CHD1L: variants seen among roughly 807,000 people sequenced by gnomAD.
CHD1L encodes ATP-dependent chromatin remodeler CHD1L.
CHD1L carries 118 observed loss-of-function variants against 115.9 expected under a neutral mutation model. That is an observed-to-expected ratio of 1.02 (90% CI 0.88 to 1.19). The LOEUF (loss-of-function observed/expected upper bound fraction) is 1.19, where lower values mean the gene tolerates loss of function less well. Among genes scored for constraint, CHD1L ranks in the 50% most tolerant of loss-of-function variants. CHD1L has a pLI of 0.00. For missense variants in CHD1L, 1,179 were observed against 1,065.3 expected, an observed-to-expected ratio of 1.11 and a Z score of -1.49; for synonymous variants, 411 against 387.1, an observed-to-expected ratio of 1.06 and a Z score of -0.72.
the CHD1L span, among the ~76,000 whole-genome samples, chr1:147,180,185 G>T: frequency 6.6e-6 from 1 of 152,118 alleles, no homozygotes; most frequent in Non-Finnish European, 1.5e-5. Flanking sequence ...AAGTACATGA[G>T]GAAGTCCAGT....
At chr1:147,204,552 C>G in the CHD1L span, 3 of 1,584,616 alleles carry the variant, frequency 1.9e-6, no homozygotes, top group Non-Finnish European at 2.6e-6. Context: ...CTTCTATGAC[C>G]TCTGAAACTG....
the CHD1L span, chr1:147,225,408 C>T: frequency 5.1e-6 from 1 of 194,494 alleles, no homozygotes; most frequent in Non-Finnish European, 1.1e-5. Context: ...CGGGGAGGGG[C>T]TGTAGCACTC....
intron 13 of CHD1L, 143 bp downstream of exon 13, chr1:147,275,611 T>A: frequency 4.7e-6 from 3 of 633,784 alleles, no homozygotes; most frequent in Non-Finnish European, 8.4e-6. Flanking sequence ...TATTGACTCC[T>A]AGGGTAGTAT....
chr1:147,208,028 C>G, the CHD1L span, among the ~76,000 whole-genome samples: 3 of 152,106 alleles, frequency 2.0e-5, no homozygotes, highest in Non-Finnish European at 2.9e-5. Flanking sequence ...TTGCATAGAC[C>G]TCCTCACTGT....
the CHD1L span, chr1:147,208,574 G>A: frequency 3.4e-6 from 1 of 294,268 alleles, no homozygotes; most frequent in East Asian, 8.3e-5. Context: ...TGAATAGCTG[G>A]GACTACAGAC....
the CHD1L span, chr1:147,179,362 A>G: frequency 1.2e-6 from 2 of 1,600,334 alleles, no homozygotes; most frequent in East Asian, 4.5e-5. Flanking sequence ...GCCCAAGTAT[A>G]AAGAACTTGG....
At chr1:147,287,772 AAG>A (rs782239593) in intron 19 of CHD1L, 39 bp downstream of exon 19, 4 of 1,540,852 alleles carry the variant, frequency 2.6e-6, no homozygotes, top group African/African-American at 2.7e-5. Flanking sequence ...AGGGTGGAAT[AAG>A]AGAGAAGAGG....
intron 17 of CHD1L, 113 bp downstream of exon 17, chr1:147,285,600 C>A: frequency 8.3e-7 from 1 of 1,199,188 alleles, no homozygotes. Flanking sequence ...TAAGTTGGTT[C>A]CTATTGGTAA....
chr1:147,242,769 T>A lies in CHD1L; in HGVS notation c.66T>A (p.Thr22=), dbSNP rs782715735. 5 of 1,269,306 alleles carry A rather than the reference T, an allele frequency of 3.9e-6. No individual in the cohort carries two copies. In the South Asian group the frequency reaches 1.5e-4, roughly 39 times the overall value. 78.6% of individuals were successfully genotyped at this position (1,269,306 alleles called of 1,614,324 possible). A position where few individuals can be genotyped will look rare whatever the true frequency, so the allele number is the denominator to read the frequency against. The change falls in exon 1 of 23, where the codon ACT becomes ACA. Residue 22 remains threonine, a synonymous_variant. Transcript: ENST00000369258. Reference sequence around the variant, plus strand: ...CTGGCTTCTTACTGCGGCTTCATACTGAGGGCCGAGCCGAGGCGGCGCGGG... The same window carrying A: ...CTGGCTTCTTACTGCGGCTTCATACAGAGGGCCGAGCCGAGGCGGCGCGGG... The part of the protein sequence containing the change: ...QAPGFLLRLH[T]EGRAEAARVQ...
chr1:147,215,723 CA>C, the CHD1L span: 1 of 1,513,932 alleles, frequency 6.6e-7, no homozygotes, highest in Non-Finnish European at 9.0e-7. Flanking sequence ...CAAACAACTT[CA>C]AACACAAAGA....
chr1:147,267,020 A>C (rs1674200834), intron 8 of CHD1L, among the ~76,000 whole-genome samples: 1 of 152,186 alleles, frequency 6.6e-6, no homozygotes, highest in Non-Finnish European at 1.5e-5. Context: ...GTAAGGGGGA[A>C]CTGCTGTATT....
intron 21 of CHD1L, among the ~76,000 whole-genome samples, chr1:147,294,024 GTTTA>G (rs1686628717): frequency 6.6e-6 from 1 of 152,190 alleles, no homozygotes; most frequent in South Asian, 2.1e-4. Context: ...GGTAAATGCT[GTTTA>G]TTTAATCTCC....
At chr1:147,209,575 G>C in the CHD1L span, 1 of 153,492 alleles carries the variant, frequency 6.5e-6, no homozygotes, top group Non-Finnish European at 1.4e-5. Flanking sequence ...TGTATCTACT[G>C]TCCAAGAATA....
At position 147,259,836 on chromosome 1, in the gene CHD1L, G is replaced by C. The variant is rs1173175652; in HGVS notation, c.495-1G>C. The stretch of plus-strand genomic sequence containing the variant: ...CTGAAAGCTTGGGTTTTCTCTCACA[G>C]ATTCCCTTGGAGTGTTCTTGTTGTG... On this transcript the variant is annotated splice_acceptor_variant, in intron 5 of 22. Coordinates refer to ENST00000369258, the MANE Select transcript of CHD1L (RefSeq NM_004284.6). LOFTEE classifies it high-confidence loss of function. The C allele has an allele frequency of 1.9e-6, 3 of 1,611,400 alleles. No individual in the cohort carries two copies. Among genetic ancestry groups the C allele is most frequent in the Non-Finnish European group, 2.5e-6 (3 of 1,178,622 alleles).
the CHD1L span, chr1:147,215,895 G>T: frequency 6.2e-7 from 1 of 1,612,964 alleles, no homozygotes; most frequent in Non-Finnish European, 8.5e-7. Context: ...TAGAAGTATT[G>T]ATGATCACTG....
the CHD1L span, among the ~76,000 whole-genome samples, chr1:147,196,793 T>C: frequency 1.3e-5 from 2 of 152,130 alleles, no homozygotes; most frequent in Non-Finnish European, 2.9e-5. Flanking sequence ...CCTCAACACC[T>C]GAACAGATTC....
chr1:147,281,254 G>A (rs940459041), intron 15 of CHD1L, among the ~76,000 whole-genome samples: 7 of 152,112 alleles, frequency 4.6e-5, no homozygotes, highest in Non-Finnish European at 1.0e-4. Context: ...TTTCCCACTT[G>A]GAATGGGACT....
chr1:147,273,772 G>GTCCTGGACATTAGTCTTC (rs1553955295), intron 12 of CHD1L, among the ~76,000 whole-genome samples: 1 of 152,138 alleles, frequency 6.6e-6, no homozygotes, highest in African/African-American at 2.4e-5. Context: ...AGCTGAAGCA[G>GTCCTGGACATTAGTCTTC]TCCTGGACAT....
chr1:147,191,490 A>C, the CHD1L span, among the ~76,000 whole-genome samples: 1 of 151,958 alleles, frequency 6.6e-6, no homozygotes. Context: ...TTCTTTTGAG[A>C]AGTGTCTGTT....
Sources: allele counts gnomAD v4.1 joint callset (sites outside exome capture counted in the v4.1 genomes callset), GRCh38; gene constraint gnomAD v4.1.1; transcripts MANE v1.5; gene names NCBI Gene and HGNC (gene_info 2026-07-23, HGNC 2026-07-21).